Variants in RUNX2 observed in about 807,000 individuals in gnomAD.
The protein encoded by RUNX2 is runt-related transcription factor 2.
In RUNX2, 10 loss-of-function variants were observed where a neutral mutation model predicts 51.7. The observed-to-expected ratio is 0.19, with a 90% CI of 0.12 to 0.33. The LOEUF is 0.33. Among genes scored for constraint, RUNX2 ranks in the 10% least tolerant of loss-of-function variants. RUNX2 has a pLI of 1.00. For missense variants in RUNX2, 562 were observed against 691.3 expected, an observed-to-expected ratio of 0.81 and a Z score of 2.10; for synonymous variants, 276 against 273.6, an observed-to-expected ratio of 1.01 and a Z score of -0.09.
intron 5 of RUNX2, among the ~76,000 whole-genome samples, chr6:45,459,426 T>C (rs1404807125): frequency 1.3e-5 from 2 of 152,238 alleles, no homozygotes; most frequent in Non-Finnish European, 2.9e-5. Flanking sequence ...GCTGTGTGCC[T>C]ACAAGTATGC....
chr6:45,354,471 ATCT>A (rs1415909990), intron 2 of RUNX2, among the ~76,000 whole-genome samples: 4 of 152,094 alleles, frequency 2.6e-5, no homozygotes, highest in Non-Finnish European at 5.9e-5. Context: ...TGCTTTTATG[ATCT>A]TCTTTTTTGC....
intron 5 of RUNX2, among the ~76,000 whole-genome samples, chr6:45,459,941 C>T (rs75667361): frequency 1.4e-3 from 219 of 152,222 alleles, no homozygotes; most frequent in African/African-American, 5.0e-3. Flanking sequence ...AGGCCCAGCT[C>T]TTTGGCATGG....
rs192792671 is a variant in RUNX2, at chr6:45,462,055, G to T, written c.685+24004G>T. 2.7e-3 allele frequency among the ~76,000 whole-genome samples: 415 copies of T among 152,056 alleles called. 6 individuals carry two copies. The highest frequency in any genetic ancestry group is 3.5e-3 in the Non-Finnish European group (237 of 67,984). ...CCTCATACAAACAAATAATAAAAAA[G>T]ACATTCAGATAAATAAAGCAAAATG... On this transcript the variant is annotated intron_variant, in intron 5 of 8. Coordinates refer to ENST00000647337, the MANE Select transcript of RUNX2 (RefSeq NM_001024630.4).
At chr6:45,483,785 C>T (rs1233169507) in intron 5 of RUNX2, among the ~76,000 whole-genome samples, 1 of 152,068 alleles carries the variant, frequency 6.6e-6, no homozygotes, top group Non-Finnish European at 1.5e-5. Flanking sequence ...GGAGTTGATG[C>T]GGAGAGGGTG....
At chr6:45,538,148 T>C (rs1802093292) in intron 7 of RUNX2, among the ~76,000 whole-genome samples, 1 of 152,224 alleles carries the variant, frequency 6.6e-6, no homozygotes, top group African/African-American at 2.4e-5. Flanking sequence ...CATAAATTTC[T>C]GCTTTTAATA....
At chr6:45,519,774 T>TTATATATATATATATATATA (rs1179504865) in intron 7 of RUNX2, among the ~76,000 whole-genome samples, 1 of 135,888 alleles carries the variant, frequency 7.4e-6, no homozygotes, top group African/African-American at 3.3e-5. Context: ...AAGGATGCTA[T>TTATATATATATATATATATA]TATATATATA....
intron 7 of RUNX2, among the ~76,000 whole-genome samples, chr6:45,525,179 A>G (rs1801634776): frequency 6.6e-6 from 1 of 152,200 alleles, no homozygotes; most frequent in South Asian, 2.1e-4. Context: ...AGAGCAGTTA[A>G]CAAAGAAAGT....
At chr6:45,443,128 C>T (rs1207448262) in intron 5 of RUNX2, among the ~76,000 whole-genome samples, 1 of 143,108 alleles carries the variant, frequency 7.0e-6, no homozygotes, top group East Asian at 2.3e-4. Context: ...CTAACTCCAA[C>T]CTCAAACTCC....
At chr6:45,498,701 A>G (rs1383472451) in intron 6 of RUNX2, among the ~76,000 whole-genome samples, 1 of 152,182 alleles carries the variant, frequency 6.6e-6, no homozygotes, top group Non-Finnish European at 1.5e-5. Flanking sequence ...CTGATTCTGT[A>G]TTCCCTCAGC....
chr6:45,544,389 G>A (rs111926131), intron 7 of RUNX2, among the ~76,000 whole-genome samples: 7 of 152,236 alleles, frequency 4.6e-5, no homozygotes, highest in African/African-American at 1.4e-4. Context: ...GTGGGGAGGG[G>A]TAAATTCAAA....
chr6:45,412,397 A>C (rs1326145833), intron 2 of RUNX2, among the ~76,000 whole-genome samples: 2 of 151,926 alleles, frequency 1.3e-5, no homozygotes, highest in Admixed American at 1.3e-4. Flanking sequence ...AAAAAAAAGA[A>C]GACTTGCTAA....
At chr6:45,359,816 G>A (rs1237016594) in intron 2 of RUNX2, among the ~76,000 whole-genome samples, 2 of 152,128 alleles carry the variant, frequency 1.3e-5, no homozygotes, top group African/African-American at 4.8e-5. Context: ...GGCCAAGGTG[G>A]GAGGATCACT....
At chr6:45,442,455 T>A (rs1159750014) in intron 5 of RUNX2, among the ~76,000 whole-genome samples, 1 of 152,178 alleles carries the variant, frequency 6.6e-6, no homozygotes, top group Non-Finnish European at 1.5e-5. Context: ...GTGGACTTGG[T>A]TCCACCTCCA....
intron 3 of RUNX2, among the ~76,000 whole-genome samples, chr6:45,428,716 T>G (rs1022234342): frequency 6.6e-6 from 1 of 152,178 alleles, no homozygotes; most frequent in Non-Finnish European, 1.5e-5. Context: ...TTCTTTCATA[T>G]TTTCCCATAT....
At chr6:45,416,235 C>T (rs542861539) in intron 2 of RUNX2, among the ~76,000 whole-genome samples, 1 of 152,228 alleles carries the variant, frequency 6.6e-6, no homozygotes, top group African/African-American at 2.4e-5. Context: ...TTTTTTCTTA[C>T]TTTGCTAGTT....
Position 45,539,346 on chromosome 6 carries a change from T to C in RUNX2, c.1022-5871T>C, listed in dbSNP as rs74681892. 3.8e-3 allele frequency among the ~76,000 whole-genome samples: 579 copies of C among 152,310 alleles called. 4 individuals carry two copies. The highest frequency in any genetic ancestry group is 0.013 in the African/African-American group (554 of 41,568). On this transcript the variant is annotated intron_variant, in intron 7 of 8. Coordinates refer to ENST00000647337, the MANE Select transcript of RUNX2 (RefSeq NM_001024630.4). The stretch of plus-strand genomic sequence containing the variant: ...TTCATTACAACACAGAAAACAAATA[T>C]TTAGACTGGATAGTCGAGGGACTTT...
At chr6:45,371,394 C>CTTTT (rs560509544) in intron 2 of RUNX2, among the ~76,000 whole-genome samples, 1 of 138,888 alleles carries the variant, frequency 7.2e-6, no homozygotes, top group Non-Finnish European at 1.6e-5. Flanking sequence ...TATTAGCTCA[C>CTTTT]TTTTTTTTTT....
At chr6:45,429,332 C>T (rs1351766459) in intron 3 of RUNX2, among the ~76,000 whole-genome samples, 2 of 152,146 alleles carry the variant, frequency 1.3e-5, no homozygotes, top group Non-Finnish European at 2.9e-5. Context: ...TGTTAAAATA[C>T]AATATGCTGA....
rs146210862 is a variant in RUNX2, at chr6:45,490,615, C to T, written c.686-1326C>T. On this transcript the variant is annotated intron_variant, in intron 5 of 8. Transcript: ENST00000647337. ...TTTAACCCTATCCTGATACATTCCT[C>T]TTGTTCTGTATTAAGTGGAAGCTAA... is the stretch of plus-strand genomic sequence containing the variant. Among the ~76,000 whole-genome samples the T allele has an allele frequency of 4.6e-5, 7 of 152,322 alleles. No homozygotes were observed. In the East Asian group the frequency reaches 1.3e-3, roughly 29 times the overall value.
Sources: gnomAD v4.1 joint callset for allele counts (sites outside exome capture counted in the v4.1 genomes callset) on GRCh38, gnomAD v4.1.1 for gene constraint, MANE v1.5 for transcripts, NCBI Gene and HGNC (gene_info 2026-07-23, HGNC 2026-07-21) for gene names.